The following IHO1 variants were observed in gnomAD, a reference collection of about 807,000 sequenced individuals.
IHO1 encodes interactor of HORMAD1 1, also known as interactor of HORMAD1 protein 1.
In IHO1, 13 loss-of-function variants were observed where a neutral mutation model predicts 31.0. The observed-to-expected ratio is 0.42, with a 90% CI of 0.27 to 0.67. The LOEUF (loss-of-function observed/expected upper bound fraction) is 0.67. IHO1 is among the 30% of genes least tolerant of loss of function. The pLI is 0.24. For synonymous variants in IHO1, 221 were observed against 248.4 expected, an observed-to-expected ratio of 0.89 and a Z score of 1.04; for missense variants, 599 against 687.5, an observed-to-expected ratio of 0.87 and a Z score of 1.44.
chr3:49,236,671 C>G lies in IHO1; in HGVS notation c.180C>G (p.Asp60Glu). The G allele has an allele frequency of 6.2e-7, 1 of 1,614,118 alleles. No homozygotes were observed. The highest frequency in any genetic ancestry group is 8.5e-7 in the Non-Finnish European group (1 of 1,179,990). Residue 60 changes from aspartate to glutamate, a missense_variant, in exon 3 of 8, where the codon GAC becomes GAG. Physicochemically the swap from Asp to Glu is conservative, Grantham distance 45. Coordinates refer to ENST00000452691, the MANE Select transcript of IHO1 (RefSeq NM_001135197.2). ...CAGAAACCCTATCAGCACCCTTGGA[C>G]TTTGGTGCCCACTTGAGACATTCAA... ...ENSETLSAPL[D>E]FGAHLRHSKQ... is the part of the protein sequence containing the mutation.
At chr3:49,255,558 CTTTT>C (rs11344456) in intron 7 of IHO1, 65 bp downstream of exon 7, 4,373 of 351,120 alleles carry the variant, frequency 0.012, no homozygotes, top group South Asian at 0.019. Context: ...CAGAGAGAAA[CTTTT>C]TTTTTTTTTT....
At chr3:49,226,219 C>T (rs1289076123) in intron 2 of IHO1, among the ~76,000 whole-genome samples, 5 of 152,060 alleles carry the variant, frequency 3.3e-5, no homozygotes, top group African/African-American at 1.2e-4. Context: ...CCTTTTGGGC[C>T]TGTTCCTCTT....
chr3:49,251,623 T>C (rs1352001582), intron 6 of IHO1, among the ~76,000 whole-genome samples: 4 of 149,878 alleles, frequency 2.7e-5, no homozygotes, highest in Non-Finnish European at 3.0e-5. Flanking sequence ...TTTTTTGAGA[T>C]GGAGTTTTGC....
chr3:49,241,216 C>T lies in IHO1; in HGVS notation c.232-10C>T, dbSNP rs745595971. ...TGTGTGAAATGCTATATATTTTTTT[C>T]ATTTAACAGGGTGAACCTAGCATTT... On this transcript the variant is annotated splice_polypyrimidine_tract_variant and intron_variant, in intron 3 of 7. Coordinates refer to ENST00000452691, the MANE Select transcript of IHO1 (RefSeq NM_001135197.2). 18 of 1,572,704 alleles carry T rather than the reference C, an allele frequency of 1.1e-5. No individual in the cohort carries two copies. The South Asian group carries it at 2.1e-4, about 19-fold the overall frequency.
intron 2 of IHO1, among the ~76,000 whole-genome samples, chr3:49,215,055 CTTT>C (rs879326053): frequency 7.1e-6 from 1 of 141,420 alleles, no homozygotes. Flanking sequence ...TGCCTTCTCT[CTTT>C]TTTTTTTTTT....
rs747526288 is a variant in IHO1, at chr3:49,236,660, G to A, written c.169G>A (p.Ala57Thr). ...TCCAGAAAATTCAGAAACCCTATCA[G>A]CACCCTTGGACTTTGGTGCCCACTT... ...FCPENSETLS[A>T]PLDFGAHLRH... Residue 57 changes from alanine (A) to threonine (T), a missense_variant, in exon 3 of 8, where the codon GCA (alanine) becomes ACA (threonine). Transcript: ENST00000452691. 1.2e-6 allele frequency: 2 copies of A among 1,614,016 alleles called. No individual in the cohort carries two copies. Among genetic ancestry groups the A allele is most frequent in the South Asian group, 1.1e-5 (1 of 91,082 alleles).
At chr3:49,243,718 A>G (rs556960329) in intron 4 of IHO1, among the ~76,000 whole-genome samples, 2 of 144,412 alleles carry the variant, frequency 1.4e-5, no homozygotes, top group South Asian at 4.6e-4. Context: ...AGATCGTGCC[A>G]CTGCACTCCA....
chr3:49,226,989 G>T (rs2046426455), intron 2 of IHO1, among the ~76,000 whole-genome samples: 1 of 152,152 alleles, frequency 6.6e-6, no homozygotes, highest in South Asian at 2.1e-4. Flanking sequence ...CTTCTGGGCA[G>T]GGGAGATTAA....
chr3:49,247,189 C>T (rs893799453), intron 6 of IHO1, among the ~76,000 whole-genome samples: 1 of 151,408 alleles, frequency 6.6e-6, no homozygotes, highest in African/African-American at 2.4e-5. Context: ...GAAGAGAGGC[C>T]GGGCGTGGTG....
At chr3:49,227,823 C>A (rs983220206) in intron 2 of IHO1, among the ~76,000 whole-genome samples, 3 of 152,144 alleles carry the variant, frequency 2.0e-5, no homozygotes, top group African/African-American at 4.8e-5. Context: ...GGAAGGATAT[C>A]ATTTCTGAAG....
At chr3:49,194,378 A>T (rs1281436007), upstream of IHO1, among the ~76,000 whole-genome samples, 4 of 138,210 alleles carry the variant, frequency 2.9e-5, no homozygotes, top group Non-Finnish European at 6.2e-5. Flanking sequence ...ATCTCGGCTC[A>T]CTGCAAGCTC....
chr3:49,195,060 G>A (rs1291944708), upstream of IHO1, among the ~76,000 whole-genome samples: 2 of 151,644 alleles, frequency 1.3e-5, no homozygotes, highest in Non-Finnish European at 2.9e-5. Flanking sequence ...AGACCAGCCT[G>A]GTCAATATGA....
At chr3:49,237,857 C>T (rs1303671467) in intron 3 of IHO1, among the ~76,000 whole-genome samples, 8 of 122,636 alleles carry the variant, frequency 6.5e-5, no homozygotes, top group African/African-American at 2.5e-4. Flanking sequence ...CTCTTGAATC[C>T]TTGATGTTTT....
At position 49,211,808 on chromosome 3, in the gene IHO1, G is replaced by C. The variant is rs1373229324; in HGVS notation, c.28G>C (p.Glu10Gln). The change falls in exon 2 of 8, where the codon GAG becomes CAG. Residue 10 changes from glutamate to glutamine, a missense_variant. Coordinates refer to ENST00000452691, the MANE Select transcript of IHO1 (RefSeq NM_001135197.2). MNFNVWNIK[E>Q]MLSIPSGSGN... ...GAATTTTAATGTCTGGAATATCAAA[G>C]AGATGCTCAGTATTCCTTCAGGCTC... 1 of 1,561,480 alleles carries C rather than the reference G, an allele frequency of 6.4e-7. No homozygotes were observed. Among genetic ancestry groups the C allele is most frequent in the Non-Finnish European group, 8.8e-7 (1 of 1,132,526 alleles).
intron 3 of IHO1, among the ~76,000 whole-genome samples, chr3:49,239,505 C>G (rs1004818176): frequency 2.0e-5 from 3 of 152,028 alleles, no homozygotes; most frequent in African/African-American, 7.2e-5. Context: ...TGGTCTCAAT[C>G]TCCTGACCTC....
intron 2 of IHO1, among the ~76,000 whole-genome samples, chr3:49,212,448 G>A (rs1030044952): frequency 5.3e-5 from 8 of 151,470 alleles, no homozygotes; most frequent in South Asian, 2.1e-4. Flanking sequence ...CCTGGGAGGC[G>A]GAGCTTGTGG....
intron 6 of IHO1, among the ~76,000 whole-genome samples, chr3:49,246,064 C>A (rs1559451429): frequency 6.6e-6 from 1 of 151,680 alleles, no homozygotes; most frequent in Non-Finnish European, 1.5e-5. Context: ...CGCCTGTAGT[C>A]CCAGCTACTC....
chr3:49,221,149 A>C (rs2046350989), intron 2 of IHO1, among the ~76,000 whole-genome samples: 1 of 149,594 alleles, frequency 6.7e-6, no homozygotes. Context: ...GTGTGTTTTT[A>C]CAGAGTGCTG....
chr3:49,246,269 C>T (rs1027894867), intron 6 of IHO1, among the ~76,000 whole-genome samples: 1 of 150,904 alleles, frequency 6.6e-6, no homozygotes, highest in Non-Finnish European at 1.5e-5. Flanking sequence ...AGAAGCAAAT[C>T]AGGGATGCTT....
Sources: allele counts gnomAD v4.1 joint callset (sites outside exome capture counted in the v4.1 genomes callset), GRCh38; gene constraint gnomAD v4.1.1; transcripts MANE v1.5; gene names NCBI Gene and HGNC (gene_info 2026-07-23, HGNC 2026-07-21).